The following MIA2 variants were observed in gnomAD, a reference collection of about 807,000 sequenced individuals.
MIA2 encodes the protein melanoma inhibitory activity protein 2.
In MIA2, 127 loss-of-function variants were observed where a neutral mutation model predicts 167.8. The ratio of observed to expected loss-of-function variants is 0.76; its 90% CI spans 0.66 to 0.88. MIA2 has a LOEUF of 0.88. MIA2 is among the 40% of genes least tolerant of loss of function. The probability of loss-of-function intolerance (pLI) is 0.00; values close to 1 mark genes in which losing one functional copy is unlikely to be tolerated. For synonymous variants in MIA2, 552 were observed against 541.9 expected, an observed-to-expected ratio of 1.02 and a Z score of -0.26; for missense variants, 1,690 against 1,624.7, an observed-to-expected ratio of 1.04 and a Z score of -0.69.
chr14:39,331,887 T>A (rs1261259796), intron 25 of MIA2, among the ~76,000 whole-genome samples: 1 of 152,030 alleles, frequency 6.6e-6, no homozygotes, highest in Non-Finnish European at 1.5e-5. Flanking sequence ...CCTTAACGTT[T>A]TTTCCTTCAT....
At chr14:39,365,409 A>G (rs1391270851) in intron 23 of MIA2, among the ~76,000 whole-genome samples, 3 of 152,158 alleles carry the variant, frequency 2.0e-5, no homozygotes, top group African/African-American at 7.2e-5. Flanking sequence ...TTTCTGGAAT[A>G]CCCAGAATTC....
chr14:39,261,273 A>C (rs965206211), intron 6 of MIA2, among the ~76,000 whole-genome samples: 1 of 152,050 alleles, frequency 6.6e-6, no homozygotes, highest in Non-Finnish European at 1.5e-5. Flanking sequence ...GTTTGCTCAA[A>C]ATGATGGTTT....
rs1042485379 is a variant in MIA2, at chr14:39,386,833, C to T, written c.2249-52C>T. 9.7e-6 allele frequency: 9 copies of T among 924,640 alleles called. No homozygotes were observed. In the African/African-American group the frequency reaches 1.5e-4, roughly 15 times the overall value. 57.3% of individuals were successfully genotyped at this position (924,640 alleles called of 1,614,324 possible). A position where few individuals can be genotyped will look rare whatever the true frequency, so the allele number is the denominator to read the frequency against. On this transcript the variant is annotated intron_variant, in intron 23 of 23. Transcript: ENST00000341502. ...TTACTGATGACCATAGAATTCTCAG[C>T]AACTCGTCTCTCTTCTACTTTAACT...
At chr14:39,266,525 C>T (rs2152671564) in intron 6 of MIA2, 1 of 985,500 alleles carries the variant, frequency 1.0e-6, no homozygotes, top group Non-Finnish European at 1.2e-6. Context: ...CCAGGTGACT[C>T]AGGTAAGCGA....
intron 9 of MIA2, among the ~76,000 whole-genome samples, chr14:39,282,559 T>C (rs1258989608): frequency 1.3e-5 from 2 of 152,102 alleles, no homozygotes; most frequent in African/African-American, 4.8e-5. Context: ...ATCTTTTAAC[T>C]TGTTCATCCC....
chr14:39,262,302 G>T (rs1468646532), intron 6 of MIA2, among the ~76,000 whole-genome samples: 3 of 152,082 alleles, frequency 2.0e-5, no homozygotes, highest in African/African-American at 4.8e-5. Flanking sequence ...TTTTTGTCAG[G>T]TTTGTCAAAG....
rs1206672731 is a variant in MIA2, at chr14:39,252,195, C to G, written c.1568-553C>G. Among the ~76,000 whole-genome samples, 4 of 152,160 alleles carry G rather than the reference C, an allele frequency of 2.6e-5. No individual in the cohort carries two copies. The East Asian group carries it at 7.7e-4, about 29-fold the overall frequency. ...AGATGTCTATATCTTAACCCCCAGACCCTGAGAATATGTTACTTTACATGG... is the reference window on the plus strand; with the variant it reads ...AGATGTCTATATCTTAACCCCCAGAGCCTGAGAATATGTTACTTTACATGG... On this transcript the variant is annotated intron_variant, in intron 4 of 28. Coordinates refer to ENST00000640607, the MANE Select transcript of MIA2 (RefSeq NM_001329214.4).
At chr14:39,356,544 C>T (rs1290837672) in intron 23 of MIA2, among the ~76,000 whole-genome samples, 3 of 152,052 alleles carry the variant, frequency 2.0e-5, no homozygotes, top group Non-Finnish European at 4.4e-5. Context: ...TTTTTTGTGT[C>T]TCTATCTCCT....
intron 23 of MIA2, among the ~76,000 whole-genome samples, chr14:39,384,788 A>G (rs2075240101): frequency 6.6e-6 from 1 of 152,056 alleles, no homozygotes; most frequent in Non-Finnish European, 1.5e-5. Context: ...GTGCACGCGC[A>G]CACTCACACA....
chr14:39,357,098 G>A (rs1268110590), intron 23 of MIA2, among the ~76,000 whole-genome samples: 2 of 152,122 alleles, frequency 1.3e-5, no homozygotes. Flanking sequence ...TTCAGTTCCT[G>A]GATATCCTTG....
At chr14:39,340,428 T>G (rs1159339149) in intron 25 of MIA2, among the ~76,000 whole-genome samples, 1 of 152,182 alleles carries the variant, frequency 6.6e-6, no homozygotes, top group Non-Finnish European at 1.5e-5. Flanking sequence ...TTTGACTCTT[T>G]CCTTGGGAAA....
chr14:39,356,574 A>G (rs1484562770), intron 23 of MIA2, among the ~76,000 whole-genome samples: 1 of 152,014 alleles, frequency 6.6e-6, no homozygotes, highest in Non-Finnish European at 1.5e-5. Context: ...CTCTGATATT[A>G]CTTATTTCTT....
At chr14:39,382,196 A>G (rs1273322499) in intron 23 of MIA2, among the ~76,000 whole-genome samples, 1 of 152,222 alleles carries the variant, frequency 6.6e-6, no homozygotes, top group East Asian at 1.9e-4. Context: ...TGTACAGCAA[A>G]ATAAACCTTA....
chr14:39,378,367 T>C (rs1409210024), intron 23 of MIA2, among the ~76,000 whole-genome samples: 4 of 152,226 alleles, frequency 2.6e-5, no homozygotes. Context: ...ACCTCATGAA[T>C]ACATCAGCTC....
rs773269992 is a variant in MIA2 at position 39,302,141 on chromosome 14, C to T, written c.2632C>T (p.Arg878Cys). 8.7e-6 allele frequency: 14 copies of T among 1,613,040 alleles called. No individual in the cohort carries two copies. The highest frequency in any genetic ancestry group is 4.4e-5 in the South Asian group (4 of 91,002). The change falls in exon 15 of 29, where the codon CGC (arginine) becomes TGC (cysteine). Residue 878 changes from arginine to cysteine, a missense_variant. By Grantham distance (180) the Arg-to-Cys change is radical (BLOSUM62 -3). Coordinates refer to ENST00000640607, the MANE Select transcript of MIA2 (RefSeq NM_001329214.4). The part of the protein sequence containing the change: ...KESHIKTLTE[R>C]LLKMKDWAAM... ...GTTCAATGTCAAGACTCTGACTGAA[C>T]GCTTGTTAAAGATGAAAGATTGGGC... is the stretch of plus-strand genomic sequence containing the variant.
chr14:39,255,277 G>A (rs946835459), intron 6 of MIA2, among the ~76,000 whole-genome samples: 1 of 152,180 alleles, frequency 6.6e-6, no homozygotes, highest in Non-Finnish European at 1.5e-5. Context: ...GGAGGCCAAA[G>A]TGGGCCGATC....
At chr14:39,373,097 A>G (rs1181852189) in intron 23 of MIA2, among the ~76,000 whole-genome samples, 1 of 152,236 alleles carries the variant, frequency 6.6e-6, no homozygotes, top group Admixed American at 6.5e-5. Context: ...CTTGAACTAC[A>G]TGAACATATT....
intron 25 of MIA2, 95 bp downstream of exon 25, chr14:39,327,117 C>A: frequency 2.1e-6 from 2 of 957,384 alleles, no homozygotes; most frequent in Non-Finnish European, 2.9e-6. Context: ...TGTTTGTTCT[C>A]TCTTAAGAAA....
intron 23 of MIA2, among the ~76,000 whole-genome samples, chr14:39,380,174 G>C (rs938499434): frequency 3.9e-5 from 6 of 152,150 alleles, no homozygotes; most frequent in African/African-American, 1.2e-4. Context: ...TTTAGCATCA[G>C]GTCACAACAG....
Sources: allele counts gnomAD v4.1 joint callset (sites outside exome capture counted in the v4.1 genomes callset), GRCh38; gene constraint gnomAD v4.1.1; transcripts MANE v1.5; gene names NCBI Gene and HGNC (gene_info 2026-07-23, HGNC 2026-07-21).